Variants in TENM4 observed in about 807,000 individuals in gnomAD.
TENM4 encodes teneurin-4.
In TENM4, 82 loss-of-function variants were observed where a neutral mutation model predicts 243.3. That is an observed-to-expected ratio of 0.34 (90% confidence interval 0.28 to 0.40). The LOEUF (loss-of-function observed/expected upper bound fraction) is 0.40, where lower values mean the gene tolerates loss of function less well. Among genes scored for constraint, TENM4 ranks in the 10% least tolerant of loss-of-function variants. TENM4 has a pLI of 1.00. For missense variants in TENM4, 3,138 were observed against 3,673.3 expected, an observed-to-expected ratio of 0.85 and a Z score of 3.77; for synonymous variants, 1,412 against 1,456.3, an observed-to-expected ratio of 0.97 and a Z score of 0.69.
At chr11:79,124,684 CAT>C (rs1312754730) in intron 4 of TENM4, among the ~76,000 whole-genome samples, 1 of 85,996 alleles carries the variant, frequency 1.2e-5, no homozygotes. Flanking sequence ...TGTATACATA[CAT>C]ATATATATCT....
chr11:79,277,049 T>G (rs1339455416), intron 2 of TENM4, among the ~76,000 whole-genome samples: 1 of 152,176 alleles, frequency 6.6e-6, no homozygotes, highest in Non-Finnish European at 1.5e-5. Flanking sequence ...TTTTTTTGGC[T>G]GTGCTGGTGG....
intron 9 of TENM4, among the ~76,000 whole-genome samples, chr11:78,880,576 T>C (rs10751299): frequency 0.51 from 77,298 of 151,920 alleles, 23,821 homozygotes; most frequent in East Asian, 0.79. Context: ...CTGCTGTTGT[T>C]ATTAAAAATG....
At chr11:78,762,424 A>C (rs974830425) in intron 18 of TENM4, among the ~76,000 whole-genome samples, 1 of 152,180 alleles carries the variant, frequency 6.6e-6, no homozygotes. Flanking sequence ...ATAGCAATGC[A>C]CTGTAAATTA....
At chr11:79,114,928 CAT>C (rs1245004970) in intron 4 of TENM4, among the ~76,000 whole-genome samples, 1 of 152,172 alleles carries the variant, frequency 6.6e-6, no homozygotes, top group Non-Finnish European at 1.5e-5. Flanking sequence ...ATATTTAGCA[CAT>C]GTTTATTAAG....
At chr11:79,352,099 T>C (rs1857424152) in intron 1 of TENM4, among the ~76,000 whole-genome samples, 1 of 152,140 alleles carries the variant, frequency 6.6e-6, no homozygotes, top group Non-Finnish European at 1.5e-5. Context: ...GCATAGTAAA[T>C]ACCTAAGAAA....
intron 2 of TENM4, among the ~76,000 whole-genome samples, chr11:79,218,133 G>T (rs1467879371): frequency 6.6e-6 from 1 of 152,056 alleles, no homozygotes; most frequent in Non-Finnish European, 1.5e-5. Flanking sequence ...CACTAATTAG[G>T]ATATGACTAT....
At chr11:78,856,258 C>G in intron 10 of TENM4, 80 bp from the exon 11 acceptor site, 1 of 1,224,824 alleles carries the variant, frequency 8.2e-7, no homozygotes. Flanking sequence ...ATCTGAACAC[C>G]CGGGACTCTC....
At chr11:78,875,267 T>C (rs1167085601) in intron 9 of TENM4, among the ~76,000 whole-genome samples, 2 of 152,196 alleles carry the variant, frequency 1.3e-5, no homozygotes, top group Non-Finnish European at 2.9e-5. Flanking sequence ...CTCACTCTGT[T>C]GCCCAGGCTC....
chr11:79,179,758 A>G (rs1414840199), intron 3 of TENM4, among the ~76,000 whole-genome samples: 1 of 151,870 alleles, frequency 6.6e-6, no homozygotes, highest in Non-Finnish European at 1.5e-5. Flanking sequence ...AGTTTGACAT[A>G]TAGAAGGTGC....
chr11:79,117,886 C>T (rs1260353703), intron 4 of TENM4, among the ~76,000 whole-genome samples: 1 of 152,188 alleles, frequency 6.6e-6, no homozygotes, highest in Non-Finnish European at 1.5e-5. Flanking sequence ...CACTAGTTCC[C>T]TTTCCCCCTT....
chr11:79,356,076 C>T (rs1312711369), intron 1 of TENM4, among the ~76,000 whole-genome samples: 2 of 152,158 alleles, frequency 1.3e-5, no homozygotes, highest in African/African-American at 4.8e-5. Flanking sequence ...TGGATCTCAT[C>T]AGTGGTCAGG....
chr11:79,416,783 G>C (rs1820365165), intron 1 of TENM4, among the ~76,000 whole-genome samples: 1 of 151,992 alleles, frequency 6.6e-6, no homozygotes. Flanking sequence ...TCCAAATCCT[G>C]TAGGGTATGC....
chr11:78,882,708 G>A (rs1381376238), intron 9 of TENM4, among the ~76,000 whole-genome samples: 1 of 152,200 alleles, frequency 6.6e-6, no homozygotes, highest in African/African-American at 2.4e-5. Context: ...ATAGCCTCAA[G>A]AACTGCATGA....
intron 12 of TENM4, among the ~76,000 whole-genome samples, chr11:78,830,567 G>T (rs1472772102): frequency 6.6e-6 from 1 of 152,226 alleles, no homozygotes; most frequent in Non-Finnish European, 1.5e-5. Flanking sequence ...CCAGTGTTTA[G>T]CAGGACGCAG....
intron 27 of TENM4, among the ~76,000 whole-genome samples, 191 bp from the exon 28 acceptor site, chr11:78,702,594 T>TG (rs1859135567): frequency 6.6e-6 from 1 of 152,206 alleles, no homozygotes; most frequent in Non-Finnish European, 1.5e-5. Flanking sequence ...GAGCTGCCAC[T>TG]GAGACATGTG....
intron 1 of TENM4, among the ~76,000 whole-genome samples, chr11:79,335,416 G>A (rs1426895477): frequency 1.3e-5 from 2 of 152,222 alleles, no homozygotes; most frequent in African/African-American, 4.8e-5. Flanking sequence ...TATAAGGCAG[G>A]TTGATTAGCA....
chr11:79,356,937 G>T (rs761446753), intron 1 of TENM4, among the ~76,000 whole-genome samples: 1 of 152,062 alleles, frequency 6.6e-6, no homozygotes, highest in Non-Finnish European at 1.5e-5. Flanking sequence ...CCATATTCTA[G>T]TAAGAGAATC....
intron 12 of TENM4, among the ~76,000 whole-genome samples, chr11:78,820,828 A>G (rs2136121579): frequency 6.6e-6 from 1 of 152,324 alleles, no homozygotes; most frequent in South Asian, 2.1e-4. Context: ...AAAGCAAATT[A>G]AACTTGTCTC....
In TENM4 at chr11:79,274,833, C is replaced by T. The variant is rs182089985; in HGVS notation, c.-265+22655G>A. Among the ~76,000 whole-genome samples the T allele has an allele frequency of 2.1e-3, 318 of 152,314 alleles. 1 individual carries two copies. Among genetic ancestry groups the T allele is most frequent in the African/African-American group, 7.0e-3 (291 of 41,560 alleles). ...GGAAATGAGTTTCCCCAGGGTTTGGCTTTGGCATGGGTGCTGGGCCCCACC... is the reference window on the plus strand; with the variant it reads ...GGAAATGAGTTTCCCCAGGGTTTGGTTTTGGCATGGGTGCTGGGCCCCACC... On this transcript the variant is annotated intron_variant, in intron 2 of 33. Transcript: ENST00000278550.
Sources: allele counts gnomAD v4.1 joint callset (sites outside exome capture counted in the v4.1 genomes callset), GRCh38; gene constraint gnomAD v4.1.1; transcripts MANE v1.5; gene names NCBI Gene and HGNC (gene_info 2026-07-23, HGNC 2026-07-21).